The following RIPOR2 variants were observed in gnomAD, a reference collection of about 807,000 sequenced individuals.
The protein encoded by RIPOR2 is RHO family interacting cell polarization regulator 2.
In RIPOR2, 39 loss-of-function variants were observed where a neutral mutation model predicts 114.5. That is an observed-to-expected ratio of 0.34 (90% CI 0.26 to 0.44). The LOEUF (loss-of-function observed/expected upper bound fraction) is 0.44, where lower values mean the gene tolerates loss of function less well. RIPOR2 is among the 20% of genes least tolerant of loss of function. RIPOR2 has a pLI of 1.00. For synonymous variants in RIPOR2, 445 were observed against 484.4 expected, an observed-to-expected ratio of 0.92 and a Z score of 1.07; for missense variants, 1,007 against 1,255.1, an observed-to-expected ratio of 0.80 and a Z score of 2.99.
At chr6:24,874,339 G>A (rs1302819388) in intron 2 of RIPOR2, among the ~76,000 whole-genome samples, 1 of 152,018 alleles carries the variant, frequency 6.6e-6, no homozygotes, top group African/African-American at 2.4e-5. Flanking sequence ...TTGATCTCTT[G>A]GCTTCAAGCA....
chr6:24,865,316 G>A lies in RIPOR2; in HGVS notation c.636C>T (p.Phe212=). Residue 212 remains phenylalanine (F), a synonymous_variant, in exon 7 of 22, where the codon TTC becomes TTT. Coordinates refer to ENST00000643898, the MANE Select transcript of RIPOR2 (RefSeq NM_001286445.3). Reference sequence around the variant, plus strand: ...GGAGTTATACCTCTGTGTACTCCTTGAAGCTCCGATTGATCTCTGTCAGAC... The same window carrying A: ...GGAGTTATACCTCTGTGTACTCCTTAAAGCTCCGATTGATCTCTGTCAGAC... ...RESLTEINRS[F]KEYTENMCTI... is the part of the protein sequence containing the mutation. The A allele has an allele frequency of 6.2e-7, 1 of 1,613,038 alleles. No individual in the cohort carries two copies. The highest frequency in any genetic ancestry group is 8.5e-7 in the Non-Finnish European group (1 of 1,179,384).
chr6:24,878,868 T>C (rs1030192225), intron 1 of RIPOR2, among the ~76,000 whole-genome samples: 1 of 152,156 alleles, frequency 6.6e-6, no homozygotes, highest in South Asian at 2.1e-4. Flanking sequence ...TCCAACTCTT[T>C]CATTAAATGA....
At chr6:24,895,130 G>T (rs1297173047) in intron 1 of RIPOR2, among the ~76,000 whole-genome samples, 1 of 152,140 alleles carries the variant, frequency 6.6e-6, no homozygotes, top group Non-Finnish European at 1.5e-5. Context: ...TCGGGTCACT[G>T]CAACCTCCGC....
chr6:24,808,264 G>C (rs1780906360), intron 21 of RIPOR2, among the ~76,000 whole-genome samples: 1 of 152,174 alleles, frequency 6.6e-6, no homozygotes, highest in African/African-American at 2.4e-5. Context: ...CATTCTGTAG[G>C]ATCAGCTTCC....
At chr6:25,040,614 CAG>C (rs1447683453) in intron 1 of RIPOR2, among the ~76,000 whole-genome samples, 1 of 135,836 alleles carries the variant, frequency 7.4e-6, no homozygotes, top group Non-Finnish European at 1.6e-5. Flanking sequence ...TTTTTCGAGA[CAG>C]AGTTTCGCTG....
At chr6:24,863,035 C>T (rs541706081) in intron 7 of RIPOR2, among the ~76,000 whole-genome samples, 3 of 152,260 alleles carry the variant, frequency 2.0e-5, no homozygotes, top group East Asian at 1.9e-4. Context: ...TCACTGCAAC[C>T]TCTGCCTCCC....
At chr6:24,821,058 G>A (rs751182111) in intron 19 of RIPOR2, among the ~76,000 whole-genome samples, 25 of 151,462 alleles carry the variant, frequency 1.7e-4, no homozygotes, top group Non-Finnish European at 3.4e-4. Flanking sequence ...TTTTTAGTAC[G>A]GATGGGGTTT....
At chr6:24,969,768 C>A (rs544385402) in intron 1 of RIPOR2, among the ~76,000 whole-genome samples, 20 of 152,256 alleles carry the variant, frequency 1.3e-4, no homozygotes, top group East Asian at 1.9e-4. Context: ...CCTTACTGTA[C>A]CCCCAACTTG....
intron 4 of RIPOR2, among the ~76,000 whole-genome samples, chr6:24,872,227 G>A (rs1765247851): frequency 6.6e-6 from 1 of 152,108 alleles, no homozygotes; most frequent in Non-Finnish European, 1.5e-5. Flanking sequence ...GAAGAAATTT[G>A]CAACATAATA....
chr6:24,836,462 A>G (rs1294535803), intron 14 of RIPOR2, among the ~76,000 whole-genome samples: 1 of 152,206 alleles, frequency 6.6e-6, no homozygotes, highest in Non-Finnish European at 1.5e-5. Context: ...GTTGAACTGT[A>G]TGAAGTTATA....
intron 1 of RIPOR2, 37 bp from the exon 2 acceptor site, chr6:24,875,854 C>T: frequency 6.4e-7 from 1 of 1,560,470 alleles, no homozygotes; most frequent in Non-Finnish European, 8.7e-7. Context: ...AATTTATAGG[C>T]AGGTTCAGAC....
chr6:24,832,186 G>T, intron 16 of RIPOR2, 70 bp downstream of exon 16: 1 of 1,408,848 alleles, frequency 7.1e-7, no homozygotes, highest in Non-Finnish European at 9.8e-7. Context: ...CAATGAACAT[G>T]CATAGGGAGT....
intron 12 of RIPOR2, among the ~76,000 whole-genome samples, chr6:24,845,211 T>C (rs772847809): frequency 2.8e-4 from 42 of 152,186 alleles, no homozygotes; most frequent in Non-Finnish European, 5.4e-4. Context: ...TGGTCCACAA[T>C]GTTGTTGGTG....
chr6:24,932,166 C>G (rs1047019266), intron 1 of RIPOR2, among the ~76,000 whole-genome samples: 1 of 152,140 alleles, frequency 6.6e-6, no homozygotes, highest in African/African-American at 2.4e-5. Flanking sequence ...TTTGAAAGAA[C>G]AATGGGAAAA....
intron 1 of RIPOR2, among the ~76,000 whole-genome samples, chr6:24,982,593 G>C (rs1774342758): frequency 6.6e-6 from 1 of 152,110 alleles, no homozygotes; most frequent in Admixed American, 6.5e-5. Flanking sequence ...CCAATGACTT[G>C]CTTACTTTGT....
At position 24,846,169 on chromosome 6, in the gene RIPOR2, G is replaced by A. The variant is rs569104169; in HGVS notation, c.1164+1856C>T. On this transcript the variant is annotated intron_variant, in intron 12 of 21. Coordinates refer to ENST00000643898, the MANE Select transcript of RIPOR2 (RefSeq NM_001286445.3). ...ATATGAGCATGAATATACATGTTAT[G>A]TTAACGGTTGCGTGTATAGCTGTGT... Among the ~76,000 whole-genome samples, 14 of 152,232 alleles carry A rather than the reference G, an allele frequency of 9.2e-5. 1 individual carries two copies. The East Asian group carries it at 1.9e-3, about 21-fold the overall frequency.
rs777200651 is a variant in RIPOR2 at position 24,849,851 on chromosome 6, C to T, written c.985G>A (p.Asp329Asn). Residue 329 changes from aspartate to asparagine, a missense_variant, in exon 11 of 22, where the codon GAC (aspartate) becomes AAC (asparagine). Asp to Asn is a conservative substitution (Grantham distance 23). Transcript: ENST00000643898. The part of the protein sequence containing the change: ...FAARPQVVAV[D>N]INDLGTIKLN... ...TTGATGGTACCAAGGTCATTGATGTCGACAGCCACTACCTGAGGTCGGGCT... is the reference window on the plus strand; with the variant it reads ...TTGATGGTACCAAGGTCATTGATGTTGACAGCCACTACCTGAGGTCGGGCT... 4.3e-6 allele frequency: 7 copies of T among 1,613,806 alleles called. No individual in the cohort carries two copies. Among genetic ancestry groups the T allele is most frequent in the Non-Finnish European group, 5.9e-6 (7 of 1,179,778 alleles).
upstream of RIPOR2, among the ~76,000 whole-genome samples, chr6:24,937,135 A>T (rs1771854808): frequency 6.6e-6 from 1 of 152,204 alleles, no homozygotes; most frequent in South Asian, 2.1e-4. Context: ...CAGTCAGTTC[A>T]TCCCTGCATT....
At chr6:24,811,360 A>C (rs1487437722) in intron 20 of RIPOR2, among the ~76,000 whole-genome samples, 1 of 146,586 alleles carries the variant, frequency 6.8e-6, no homozygotes, top group Non-Finnish European at 1.5e-5. Flanking sequence ...CAGCCTCCCC[A>C]GTAGCTGGGA....
Sources: allele counts gnomAD v4.1 joint callset (sites outside exome capture counted in the v4.1 genomes callset), GRCh38; gene constraint gnomAD v4.1.1; transcripts MANE v1.5; gene names NCBI Gene and HGNC (gene_info 2026-07-23, HGNC 2026-07-21).